The following RORA variants were observed in gnomAD, a reference collection of about 807,000 sequenced individuals.
RORA encodes the protein nuclear receptor ROR-alpha.
In RORA, 7 loss-of-function variants were observed where a neutral mutation model predicts 69.5. The ratio of observed to expected loss-of-function variants is 0.10; its 90% CI spans 0.06 to 0.19. The LOEUF (loss-of-function observed/expected upper bound fraction) is 0.19. Ranked by LOEUF, RORA falls within the 10% of genes least tolerant of loss-of-function variation. The pLI, the probability that RORA is intolerant of heterozygous loss-of-function variation, is 1.00. For synonymous variants in RORA, 261 were observed against 240.8 expected (o/e 1.08, Z -0.78); for missense variants, 457 against 663.0 (o/e 0.69, Z 3.41).
intron 1 of RORA, among the ~76,000 whole-genome samples, chr15:60,985,369 G>C (rs555465054): frequency 6.7e-6 from 1 of 148,820 alleles, no homozygotes; most frequent in Non-Finnish European, 1.5e-5. Context: ...AGGTAGAAAA[G>C]CTTACTCCCA....
intron 1 of RORA, among the ~76,000 whole-genome samples, chr15:61,172,984 G>A (rs1430156470): frequency 6.6e-6 from 1 of 152,170 alleles, no homozygotes; most frequent in Non-Finnish European, 1.5e-5. Context: ...AAAATTACCT[G>A]TAGTCATATA....
At chr15:61,166,197 C>T (rs1346308237) in intron 1 of RORA, among the ~76,000 whole-genome samples, 1 of 152,020 alleles carries the variant, frequency 6.6e-6, no homozygotes, top group Admixed American at 6.6e-5. Flanking sequence ...GAACTCTTTC[C>T]TTAAGAGGTT....
intron 3 of RORA, among the ~76,000 whole-genome samples, chr15:60,526,051 A>G (rs1866007): frequency 0.3 from 45,444 of 152,012 alleles, 7,935 homozygotes; most frequent in African/African-American, 0.47. Context: ...AAGAGTCCTC[A>G]AAGAAGCATA....
intron 2 of RORA, among the ~76,000 whole-genome samples, chr15:60,558,987 A>C (rs1381495639): frequency 6.6e-6 from 1 of 152,202 alleles, no homozygotes; most frequent in East Asian, 1.9e-4. Context: ...GAGAAGAGTT[A>C]AATATTTTTT....
intron 1 of RORA, among the ~76,000 whole-genome samples, chr15:61,054,142 T>G (rs28572118): frequency 0.01 from 1,526 of 152,060 alleles, 22 homozygotes; most frequent in South Asian, 0.036. Flanking sequence ...AATTAAAGGA[T>G]GATGACGAAT....
intron 1 of RORA, among the ~76,000 whole-genome samples, chr15:60,909,670 T>A (rs1369400022): frequency 6.6e-6 from 1 of 152,200 alleles, no homozygotes; most frequent in East Asian, 1.9e-4. Flanking sequence ...CTGAACAGGA[T>A]CCCCACTAAG....
At chr15:60,506,058 G>C (rs905956669) in intron 5 of RORA, among the ~76,000 whole-genome samples, 1 of 152,196 alleles carries the variant, frequency 6.6e-6, no homozygotes, top group African/African-American at 2.4e-5. Context: ...TTCTTTTATG[G>C]TGACAACTAG....
At chr15:60,991,738 A>G (rs542154127) in intron 1 of RORA, among the ~76,000 whole-genome samples, 86 of 152,082 alleles carry the variant, frequency 5.7e-4, no homozygotes, top group Admixed American at 9.8e-4. Flanking sequence ...TCTCAGCCAA[A>G]AAACAAAAAA....
intron 1 of RORA, among the ~76,000 whole-genome samples, chr15:60,704,710 G>A (rs572896493): frequency 1.4e-4 from 22 of 152,266 alleles, no homozygotes; most frequent in South Asian, 1.0e-3. Flanking sequence ...AATCTAGGTC[G>A]GACGGGCACT....
At chr15:60,906,516 G>A (rs1480093755) in intron 1 of RORA, among the ~76,000 whole-genome samples, 1 of 152,222 alleles carries the variant, frequency 6.6e-6, no homozygotes, top group Non-Finnish European at 1.5e-5. Context: ...CAGGGAGGTG[G>A]TCGCAGCCAT....
At chr15:61,175,855 A>C (rs1364209201) in intron 1 of RORA, among the ~76,000 whole-genome samples, 1 of 152,196 alleles carries the variant, frequency 6.6e-6, no homozygotes, top group African/African-American at 2.4e-5. Flanking sequence ...TTCTTTCCTT[A>C]AGTTTTATTT....
At chr15:60,891,220 C>G (rs1410044541) in intron 1 of RORA, among the ~76,000 whole-genome samples, 2 of 152,202 alleles carry the variant, frequency 1.3e-5, no homozygotes, top group African/African-American at 4.8e-5. Context: ...CTGAAGGAAG[C>G]TATCATTATG....
intron 2 of RORA, among the ~76,000 whole-genome samples, chr15:60,559,725 G>C (rs2067476760): frequency 6.6e-6 from 1 of 152,174 alleles, no homozygotes; most frequent in Admixed American, 6.5e-5. Context: ...TCTGTTATTT[G>C]CATTACGGCT....
intron 1 of RORA, among the ~76,000 whole-genome samples, chr15:60,993,604 C>A (rs1334761001): frequency 2.3e-5 from 3 of 132,190 alleles, no homozygotes; most frequent in African/African-American, 5.8e-5. Flanking sequence ...GATCACGCCA[C>A]TGCACTCCAA....
chr15:61,182,767 G>A (rs2079699592), intron 1 of RORA, among the ~76,000 whole-genome samples: 1 of 152,258 alleles, frequency 6.6e-6, no homozygotes. Context: ...AAATGGGACA[G>A]CTCGATGGCA....
intron 1 of RORA, among the ~76,000 whole-genome samples, chr15:61,211,624 A>T (rs1475801164): frequency 6.6e-6 from 1 of 152,198 alleles, no homozygotes; most frequent in Admixed American, 6.5e-5. Context: ...TTGACAGGGA[A>T]AACATCTAGT....
rs553444118 is a variant in RORA, at chr15:60,642,813, A to G, written c.196+35844T>C. On this transcript the variant is annotated intron_variant, in intron 2 of 10. Transcript: ENST00000335670. ...GTGAGAGGATTGCTTAAGCCTAGGC[A>G]TTCAGTGAGCTATGATCACGCCATT... Among the ~76,000 whole-genome samples, 5 of 152,276 alleles carry G rather than the reference A, an allele frequency of 3.3e-5. No individual in the cohort carries two copies. In the East Asian group the frequency reaches 9.7e-4, roughly 29 times the overall value.
intron 1 of RORA, among the ~76,000 whole-genome samples, chr15:60,926,812 T>C (rs1365928135): frequency 4.6e-5 from 7 of 152,236 alleles, no homozygotes; most frequent in Non-Finnish European, 7.3e-5. Context: ...CAAGCTACTA[T>C]ATCATTGACT....
intron 1 of RORA, among the ~76,000 whole-genome samples, chr15:60,918,026 T>C (rs8023545): frequency 0.69 from 104,998 of 151,772 alleles, 36,984 homozygotes; most frequent in East Asian, 0.88. Context: ...TTATACCATG[T>C]GTCCCTGTAC....
Sources: allele counts gnomAD v4.1 joint callset (sites outside exome capture counted in the v4.1 genomes callset), GRCh38; gene constraint gnomAD v4.1.1; transcripts MANE v1.5; gene names NCBI Gene and HGNC (gene_info 2026-07-23, HGNC 2026-07-21).